Variants in HRK observed in about 807,000 individuals in gnomAD.
HRK encodes harakiri, BCL2 interacting protein, also known as activator of apoptosis harakiri.
Under a neutral mutation model 5.9 loss-of-function variants are expected in HRK, and 6 were observed. That is an observed-to-expected ratio of 1.02 (90% CI 0.56 to 2.01). HRK has a LOEUF of 2.01. Ranked by LOEUF, HRK falls within the 30% of genes most tolerant of loss-of-function variation. The pLI, the probability that HRK is intolerant of heterozygous loss-of-function variation, is 0.00. For synonymous variants in HRK, 85 were observed against 65.1 expected, an observed-to-expected ratio of 1.31 and a Z score of -1.47; for missense variants, 133 against 128.3, an observed-to-expected ratio of 1.04 and a Z score of -0.18.
At chr12:116,870,276 A>C (rs117938661) in intron 1 of HRK, among the ~76,000 whole-genome samples, 1 of 152,300 alleles carries the variant, frequency 6.6e-6, no homozygotes, top group Non-Finnish European at 1.5e-5. Context: ...AGAATATTAG[A>C]TGAACATGAT....
In HRK at chr12:116,878,191, C is replaced by T. The variant is rs1424244184; in HGVS notation, c.*56+2785G>A. On this transcript the variant is annotated intron_variant, in intron 1 of 1. Transcript: ENST00000257572. The surrounding 1 kb of genome is among the most constrained non-coding windows in gnomAD (Gnocchi z 4.4). ...TTGGCCTCCCAAAGTGCTGGAATTA[C>T]AGGCGTGAGCCAACCTGCCTGGCCT... Among the ~76,000 whole-genome samples the T allele has an allele frequency of 2.0e-5, 3 of 152,222 alleles. No individual in the cohort carries two copies. The highest frequency in any genetic ancestry group is 6.5e-5 in the Admixed American group (1 of 15,284).
intron 1 of HRK, among the ~76,000 whole-genome samples, chr12:116,863,867 A>T (rs983766089): frequency 2.6e-5 from 4 of 151,814 alleles, no homozygotes; most frequent in Non-Finnish European, 5.9e-5. Flanking sequence ...CTAATTTATT[A>T]TTTTTATTTT....
intron 1 of HRK, among the ~76,000 whole-genome samples, chr12:116,871,061 G>C (rs1460377744): frequency 6.6e-6 from 1 of 151,982 alleles, no homozygotes; most frequent in Admixed American, 6.6e-5. Context: ...TGGGATTACA[G>C]GCACGCGCCA....
intron 1 of HRK, among the ~76,000 whole-genome samples, chr12:116,880,231 T>C (rs1020670801): frequency 1.3e-5 from 2 of 152,176 alleles, no homozygotes; most frequent in Non-Finnish European, 2.9e-5. Flanking sequence ...CATTGGAGTT[T>C]CCCTGAAAGC....
Position 116,862,214 on chromosome 12 carries a change from G to GA in HRK, c.*57-749dup, listed in dbSNP as rs990769293. 3.3e-5 allele frequency among the ~76,000 whole-genome samples: 5 copies of GA among 152,114 alleles called. No homozygotes were observed. The highest frequency in any genetic ancestry group is 1.2e-4 in the African/African-American group (5 of 41,404). On this transcript the variant is annotated intron_variant, in intron 1 of 1. Transcript: ENST00000257572. The surrounding 1 kb of genome is among the most constrained non-coding windows in gnomAD (Gnocchi z 4.0). ...AAAATGAGGCATCCTAGGCAGGGCA[G>GA]AAAAAACAGCCCATACCCAGGAGCA...
chr12:116,870,033 T>C (rs879546755), intron 1 of HRK, among the ~76,000 whole-genome samples: 2 of 152,092 alleles, frequency 1.3e-5, no homozygotes, highest in Non-Finnish European at 2.9e-5. Context: ...TGAGCCAAGA[T>C]CGTGCCGCTG....
intron 1 of HRK, among the ~76,000 whole-genome samples, chr12:116,877,048 A>G (rs1165714141): frequency 2.0e-5 from 3 of 152,188 alleles, no homozygotes; most frequent in Non-Finnish European, 4.4e-5. Context: ...TAAGAGACAG[A>G]CACTGCACTG....
intron 1 of HRK, among the ~76,000 whole-genome samples, chr12:116,865,394 G>C (rs1323398096): frequency 6.6e-6 from 1 of 152,000 alleles, no homozygotes; most frequent in Non-Finnish European, 1.5e-5. Context: ...AGGTGTGGTG[G>C]TGCACACCTG....
rs1428748943 is a variant in HRK, at chr12:116,879,685, GC to G, written c.*56+1290del. 1 of 152,152 alleles carries G rather than the reference GC, an allele frequency of 6.6e-6. No homozygotes were observed. The highest frequency in any genetic ancestry group is 1.5e-5 in the Non-Finnish European group (1 of 68,002). 9.4% of individuals were successfully genotyped at this position (152,152 alleles called of 1,614,324 possible). Reference sequence around the variant, plus strand: ...TGCGCGGGCCCACGCGACATCTGTCGCCTGCGGTCCCGGCTCACACCCCGCG... The same window carrying G: ...TGCGCGGGCCCACGCGACATCTGTCGCTGCGGTCCCGGCTCACACCCCGCG... On this transcript the variant is annotated intron_variant, in intron 1 of 1. Transcript: ENST00000257572. This position sits in a 1 kb window ranked among gnomAD's most constrained non-coding sequence, Gnocchi z 5.6.
At chr12:116,874,851 A>G (rs983998785) in intron 1 of HRK, among the ~76,000 whole-genome samples, 5 of 152,150 alleles carry the variant, frequency 3.3e-5, no homozygotes, top group African/African-American at 1.2e-4. Flanking sequence ...ACAGCCAGAC[A>G]TGTAAATAAG....
rs1425300410 is a variant in HRK, at chr12:116,860,968, C to G, written c.*555G>C. On this transcript the variant is annotated 3_prime_UTR_variant, in exon 2 of 2. Coordinates refer to ENST00000257572, the MANE Select transcript of HRK (RefSeq NM_003806.4). The stretch of plus-strand genomic sequence containing the variant: ...ATGGAGGCATCCCAGACTGCCCCTA[C>G]ACAATCGGTCCCAAGTCCTCACTTT... 1 of 152,214 alleles carries G rather than the reference C, an allele frequency of 6.6e-6. No individual in the cohort carries two copies. The highest frequency in any genetic ancestry group is 2.4e-5 in the African/African-American group (1 of 41,440). 9.4% of individuals were successfully genotyped at this position (152,214 alleles called of 1,614,324 possible). A position where few individuals can be genotyped will look rare whatever the true frequency, so the allele number is the denominator to read the frequency against.
chr12:116,871,933 T>C (rs1049783196), intron 1 of HRK, among the ~76,000 whole-genome samples: 3 of 152,036 alleles, frequency 2.0e-5, no homozygotes, highest in African/African-American at 7.2e-5. Context: ...TTTTTTTCTT[T>C]GAGATGGGGG....
rs1229526457 is a variant in HRK at position 116,858,614 on chromosome 12, ACACACACACT to A, written c.*2899_*2908del. On this transcript the variant is annotated 3_prime_UTR_variant, in exon 2 of 2. Transcript: ENST00000257572. Reference sequence around the variant, plus strand: ...CACACACACACACACACACACACACACACACACACTGCTGTCTGCTGAAACCCGATATGAG... The same window carrying A: ...CACACACACACACACACACACACACAGCTGTCTGCTGAAACCCGATATGAG... 2 of 142,784 alleles carry A rather than the reference ACACACACACT, an allele frequency of 1.4e-5. No individual in the cohort carries two copies. Among genetic ancestry groups the A allele is most frequent in the African/African-American group, 5.8e-5 (2 of 34,562 alleles). 8.8% of individuals were successfully genotyped at this position (142,784 alleles called of 1,614,324 possible). A position where few individuals can be genotyped will look rare whatever the true frequency, so the allele number is the denominator to read the frequency against.
chr12:116,870,715 A>G (rs1464942519), intron 1 of HRK, among the ~76,000 whole-genome samples: 2 of 152,138 alleles, frequency 1.3e-5, no homozygotes, highest in Non-Finnish European at 2.9e-5. Flanking sequence ...AGGTAGGAGA[A>G]TCACTTGAGC....
intron 1 of HRK, among the ~76,000 whole-genome samples, chr12:116,865,325 G>A (rs889341665): frequency 1.3e-5 from 2 of 151,782 alleles, no homozygotes; most frequent in African/African-American, 2.4e-5. Context: ...CCAGAAGTTC[G>A]AGACCAGCCT....
chr12:116,874,086 A>G (rs959134161), intron 1 of HRK, among the ~76,000 whole-genome samples: 11 of 152,144 alleles, frequency 7.2e-5, no homozygotes, highest in African/African-American at 2.2e-4. Context: ...AGACCTTGGC[A>G]GGAGGTGAAC....
chr12:116,873,813 C>T (rs1878840545), intron 1 of HRK, among the ~76,000 whole-genome samples: 1 of 152,100 alleles, frequency 6.6e-6, no homozygotes, highest in African/African-American at 2.4e-5. Flanking sequence ...CAGTTGCCTC[C>T]CCACAGGAAA....
intron 1 of HRK, among the ~76,000 whole-genome samples, chr12:116,868,228 C>A (rs146100581): frequency 1.3e-5 from 2 of 151,990 alleles, no homozygotes; most frequent in African/African-American, 4.8e-5. Flanking sequence ...GTAATGGGCA[C>A]TACAGGAACA....
intron 1 of HRK, among the ~76,000 whole-genome samples, chr12:116,877,989 G>C (rs1262305177): frequency 6.6e-6 from 1 of 152,142 alleles, no homozygotes; most frequent in African/African-American, 2.4e-5. Flanking sequence ...CTTCTTGGCT[G>C]ACTGTAACCT....
Sources: gnomAD v4.1 joint callset for allele counts (sites outside exome capture counted in the v4.1 genomes callset) on GRCh38, gnomAD v4.1.1 for gene constraint, Gnocchi (gnomAD v3.1) non-coding constraint, MANE v1.5 for transcripts, NCBI Gene and HGNC (gene_info 2026-07-23, HGNC 2026-07-21) for gene names.